FAM114A1: variants seen among roughly 807,000 people sequenced by gnomAD.
FAM114A1 encodes protein NOXP20.
FAM114A1 carries 62 observed loss-of-function variants against 64.3 expected under a neutral mutation model. The ratio of observed to expected loss-of-function variants is 0.96; its 90% confidence interval spans 0.79 to 1.19. The LOEUF is 1.19. FAM114A1 is among the 50% of genes most tolerant of loss of function. The probability of loss-of-function intolerance (pLI) is 0.00; values close to 1 mark genes in which losing one functional copy is unlikely to be tolerated. For synonymous variants in FAM114A1, 254 were observed against 251.1 expected, an observed-to-expected ratio of 1.01 and a Z score of -0.11; for missense variants, 645 against 676.3, an observed-to-expected ratio of 0.95 and a Z score of 0.51.
At chr4:38,878,471 A>T (rs749172036) in intron 3 of FAM114A1, 45 bp downstream of exon 3, 6 of 1,518,412 alleles carry the variant, frequency 4.0e-6, no homozygotes, top group Admixed American at 2.1e-5. Context: ...GTTCTTGCTT[A>T]TATCTACCGT....
intron 13 of FAM114A1, among the ~76,000 whole-genome samples, chr4:38,936,270 A>G (rs1329081054): frequency 6.7e-6 from 1 of 149,784 alleles, no homozygotes; most frequent in Non-Finnish European, 1.5e-5. Flanking sequence ...TTTTTTTTAT[A>G]TTTTTAGTAG....
intron 6 of FAM114A1, 47 bp downstream of exon 6, chr4:38,905,908 C>T (rs1268110540): frequency 1.3e-6 from 2 of 1,516,514 alleles, no homozygotes; most frequent in Non-Finnish European, 1.8e-6. Flanking sequence ...TTCCCAGGGC[C>T]TTCTTTTGAT....
At chr4:38,934,277 C>A (rs1465923593) in intron 12 of FAM114A1, among the ~76,000 whole-genome samples, 1 of 152,156 alleles carries the variant, frequency 6.6e-6, no homozygotes, top group Non-Finnish European at 1.5e-5. Flanking sequence ...CCAAGCTGCA[C>A]CCAGTCCCTG....
At position 38,912,153 on chromosome 4, in the gene FAM114A1, A is replaced by G. The variant is rs115402080; in HGVS notation, c.793-2768A>G. Among the ~76,000 whole-genome samples, 763 of 151,466 alleles carry G rather than the reference A, an allele frequency of 5.0e-3. 10 individuals are homozygous for G. Among genetic ancestry groups the G allele is most frequent in the African/African-American group, 0.017 (716 of 41,322 alleles). On this transcript the variant is annotated intron_variant, in intron 7 of 14. Transcript: ENST00000358869. ...TGAGAGTACAGGCATGAGCCACCGC[A>G]CCCAGCCAAGCGCAGGGAATACTCT...
intron 14 of FAM114A1, among the ~76,000 whole-genome samples, chr4:38,942,285 G>A (rs1721635900): frequency 6.6e-6 from 1 of 152,046 alleles, no homozygotes; most frequent in South Asian, 2.1e-4. Context: ...TTACTGTTAA[G>A]GAAAACGACA....
At chr4:38,882,538 A>G (rs1715390492) in intron 3 of FAM114A1, among the ~76,000 whole-genome samples, 1 of 152,052 alleles carries the variant, frequency 6.6e-6, no homozygotes. Flanking sequence ...CTGAGGCAGG[A>G]GAATCACTTG....
Position 38,940,978 on chromosome 4 carries a change from A to G in FAM114A1, c.1547A>G (p.Lys516Arg). 1 of 1,614,176 alleles carries G rather than the reference A, an allele frequency of 6.2e-7. No homozygotes were observed. Among genetic ancestry groups the G allele is most frequent in the Non-Finnish European group, 8.5e-7 (1 of 1,179,996 alleles). Residue 516 changes from lysine (K) to arginine (R), a missense_variant, in exon 14 of 15, where the codon AAG becomes AGG. Lys to Arg is a conservative substitution (Grantham distance 26). Coordinates refer to ENST00000358869, the MANE Select transcript of FAM114A1 (RefSeq NM_138389.4). ...CTTCTGATTCCACAGAGCAACAAGAAGGCCGAGGTCCTTAACCCCATGATC... is the reference window on the plus strand; with the variant it reads ...CTTCTGATTCCACAGAGCAACAAGAGGGCCGAGGTCCTTAACCCCATGATC... ...NSLTTVGSNK[K>R]AEVLNPMISS...
At chr4:38,929,091 G>A in intron 9 of FAM114A1, 151 bp from the exon 10 acceptor site, 1 of 636,278 alleles carries the variant, frequency 1.6e-6, no homozygotes, top group Non-Finnish European at 2.8e-6. Context: ...CTCACGAATG[G>A]AAGACATTCA....
At chr4:38,929,783 T>TA (rs1560329161) in intron 10 of FAM114A1, among the ~76,000 whole-genome samples, 1 of 152,006 alleles carries the variant, frequency 6.6e-6, no homozygotes, top group African/African-American at 2.4e-5. Flanking sequence ...TCTCAAATTT[T>TA]AAAAAAAGGA....
chr4:38,899,093 AC>A (rs1288685826), intron 4 of FAM114A1, among the ~76,000 whole-genome samples: 1 of 151,628 alleles, frequency 6.6e-6, no homozygotes, highest in African/African-American at 2.4e-5. Flanking sequence ...CATTAAAAAG[AC>A]CAAGGTAGAT....
Position 38,908,713 on chromosome 4 carries a change from T to C in FAM114A1, c.779T>C (p.Val260Ala). The change falls in exon 7 of 15, where the codon GTT (valine) becomes GCT (alanine). Residue 260 changes from valine (V) to alanine (A), a missense_variant. Coordinates refer to ENST00000358869, the MANE Select transcript of FAM114A1 (RefSeq NM_138389.4). Reference sequence around the variant, plus strand: ...ACCAAGACGCTCATGGAGAGAACTGTTTCCTTGTCTCAGGTTGGATTATAT... The same window carrying C: ...ACCAAGACGCTCATGGAGAGAACTGCTTCCTTGTCTCAGGTTGGATTATAT... ...KRTKTLMERTVSLSQMLREAK... is the reference protein window; with the variant it reads ...KRTKTLMERTASLSQMLREAK... 1 of 1,603,144 alleles carries C rather than the reference T, an allele frequency of 6.2e-7. No homozygotes were observed. Among genetic ancestry groups the C allele is most frequent in the Non-Finnish European group, 8.5e-7 (1 of 1,171,896 alleles).
chr4:38,880,100 A>AGTAGAATAG (rs1196622410), intron 3 of FAM114A1, among the ~76,000 whole-genome samples: 18 of 98,996 alleles, frequency 1.8e-4, no homozygotes, highest in African/African-American at 5.5e-4. Flanking sequence ...AAATAAAATA[A>AGTAGAATAG]AATAGAGTAG....
At chr4:38,909,973 C>T (rs953680378) in intron 7 of FAM114A1, among the ~76,000 whole-genome samples, 5 of 152,118 alleles carry the variant, frequency 3.3e-5, no homozygotes, top group East Asian at 3.9e-4. Flanking sequence ...TGGCTCATGC[C>T]GGTAATCCCA....
At chr4:38,920,089 G>C (rs1719443306) in intron 8 of FAM114A1, among the ~76,000 whole-genome samples, 2 of 151,898 alleles carry the variant, frequency 1.3e-5, no homozygotes, top group South Asian at 4.2e-4. Flanking sequence ...TGTACCTATA[G>C]TCCCAGCTAC....
rs540069608 is a variant in FAM114A1 at position 38,939,241 on chromosome 4, C to T, written c.1537-1727C>T. ...ACAAAATCGGGACCACACAGGTTAT[C>T]ATTATGGGGAAGAAAAACCTGAATC... On this transcript the variant is annotated intron_variant, in intron 13 of 14. Transcript: ENST00000358869. Among the ~76,000 whole-genome samples, 37 of 152,256 alleles carry T rather than the reference C, an allele frequency of 2.4e-4. 1 individual carries two copies. The South Asian group carries it at 5.2e-3, about 21-fold the overall frequency.
At chr4:38,914,818 C>G in intron 7 of FAM114A1, 103 bp from the exon 8 acceptor site, 1 of 1,302,294 alleles carries the variant, frequency 7.7e-7, no homozygotes. Flanking sequence ...GAATCTCCCC[C>G]TCTCCAACAC....
chr4:38,903,917 A>G (rs148802613), intron 4 of FAM114A1, among the ~76,000 whole-genome samples: 1 of 152,350 alleles, frequency 6.6e-6, no homozygotes, highest in East Asian at 1.9e-4. Flanking sequence ...TTTGTCAAAT[A>G]TCAGTGCCTT....
chr4:38,928,702 G>A (rs1299225859), intron 9 of FAM114A1, among the ~76,000 whole-genome samples: 5 of 152,178 alleles, frequency 3.3e-5, no homozygotes, highest in Non-Finnish European at 7.4e-5. Context: ...GGACCAGCCA[G>A]GTATCCTAGG....
chr4:38,908,727 G>T lies in FAM114A1; in HGVS notation c.792+1G>T, dbSNP rs1452379142. The T allele has an allele frequency of 6.3e-7, 1 of 1,593,648 alleles. No individual in the cohort carries two copies. The highest frequency in any genetic ancestry group is 1.3e-5 in the African/African-American group (1 of 74,812). On this transcript the variant is annotated splice_donor_variant, in intron 7 of 14. Transcript: ENST00000358869. LOFTEE classifies it high-confidence loss of function. ...GGAGAGAACTGTTTCCTTGTCTCAGGTTGGATTATATACGTTTGCAATTTT... is the reference window on the plus strand; with the variant it reads ...GGAGAGAACTGTTTCCTTGTCTCAGTTTGGATTATATACGTTTGCAATTTT...
Sources: allele counts gnomAD v4.1 joint callset (sites outside exome capture counted in the v4.1 genomes callset), GRCh38; gene constraint gnomAD v4.1.1; transcripts MANE v1.5; gene names NCBI Gene and HGNC (gene_info 2026-07-23, HGNC 2026-07-21).